FRMPD4: variants seen among roughly 807,000 people sequenced by gnomAD.
FRMPD4 encodes FERM and PDZ domain-containing protein 4.
A neutral mutation model predicts 94.1 loss-of-function variants in FRMPD4; 22 were observed. The observed-to-expected ratio is 0.23, with a 90% CI of 0.17 to 0.33. The LOEUF (loss-of-function observed/expected upper bound fraction) is 0.33, where lower values mean the gene tolerates loss of function less well. Ranked by LOEUF, FRMPD4 falls within the 10% of genes least tolerant of loss-of-function variation. The pLI, the probability that FRMPD4 is intolerant of heterozygous loss-of-function variation, is 1.00. For synonymous variants in FRMPD4, 631 were observed against 548.6 expected (o/e 1.15, Z -2.10); for missense variants, 1,111 against 1,339.9 (o/e 0.83, Z 2.67).
intron 3 of FRMPD4, among the ~76,000 whole-genome samples, chrX:12,072,492 A>G (rs181941606): frequency 3.0e-4 from 33 of 111,716 alleles, no homozygotes; most frequent in African/African-American, 1.0e-3. Flanking sequence ...TTTGTGCACT[A>G]TGTAATTAAT....
At chrX:12,299,167 A>G (rs983171147) in intron 1 of FRMPD4, among the ~76,000 whole-genome samples, 3 of 111,588 alleles carry the variant, frequency 2.7e-5, no homozygotes, top group African/African-American at 9.8e-5. Context: ...TCAAATTTGT[A>G]CTTTAGAAAT....
At chrX:12,634,043 G>T (rs1048892789) in intron 4 of FRMPD4, among the ~76,000 whole-genome samples, 8 of 112,105 alleles carry the variant, frequency 7.1e-5, no homozygotes, top group Admixed American at 6.6e-4. Context: ...TTCCAAATAA[G>T]ATTTCACTTT....
chrX:12,040,598 C>T (rs1422016978), intron 3 of FRMPD4, among the ~76,000 whole-genome samples: 1 of 78,315 alleles, frequency 1.3e-5, no homozygotes, highest in Non-Finnish European at 2.3e-5. Flanking sequence ...CTCGCTCTGT[C>T]ACCCAGGCTG....
chrX:12,186,362 G>C (rs1165446163), intron 1 of FRMPD4, among the ~76,000 whole-genome samples: 1 of 111,278 alleles, frequency 9.0e-6, no homozygotes, highest in African/African-American at 3.3e-5. Context: ...AATAAGTAAT[G>C]CTTAAATAAT....
At chrX:12,168,888 G>A (rs914759091) in intron 1 of FRMPD4, among the ~76,000 whole-genome samples, 26 of 111,799 alleles carry the variant, frequency 2.3e-4, no homozygotes, top group African/African-American at 8.5e-4. Context: ...GCCTCCCAGA[G>A]TGCTGGGATT....
chrX:11,954,401 A>G lies in FRMPD4; in HGVS notation c.95+76383A>G, dbSNP rs911378485. 2.7e-5 allele frequency among the ~76,000 whole-genome samples: 3 copies of G among 112,320 alleles called. No homozygotes were observed. In the East Asian group the frequency reaches 8.4e-4, roughly 31 times the overall value. The stretch of plus-strand genomic sequence containing the variant: ...GTACAATATGTCATGCTGGTGAACA[A>G]AGAAGTGCTGAGGAGTCATGAATTA... On this transcript the variant is annotated intron_variant, in intron 3 of 18. Transcript: ENST00000640291.
At chrX:12,350,957 C>T (rs779916570) in intron 1 of FRMPD4, among the ~76,000 whole-genome samples, 2 of 111,882 alleles carry the variant, frequency 1.8e-5, no homozygotes, top group East Asian at 2.8e-4. Flanking sequence ...GGGCAGATCA[C>T]GAGGTCAGGA....
At chrX:12,421,090 C>T (rs945065701) in intron 1 of FRMPD4, among the ~76,000 whole-genome samples, 28 of 111,930 alleles carry the variant, frequency 2.5e-4, no homozygotes, top group African/African-American at 9.1e-4. Flanking sequence ...GCATGAAAGA[C>T]TATCTGCGTC....
chrX:12,223,538 A>G (rs1371913812), intron 1 of FRMPD4, among the ~76,000 whole-genome samples: 1 of 111,415 alleles, frequency 9.0e-6, no homozygotes, highest in East Asian at 2.8e-4. Flanking sequence ...TGTACACCAA[A>G]CCCCTGCAAC....
At chrX:12,254,208 T>C (rs1268064692) in intron 1 of FRMPD4, among the ~76,000 whole-genome samples, 1 of 111,558 alleles carries the variant, frequency 9.0e-6, no homozygotes, top group Non-Finnish European at 1.9e-5. Context: ...ATTAATGACA[T>C]GTGAGGAGTT....
chrX:12,192,314 C>G (rs190015121), intron 1 of FRMPD4, among the ~76,000 whole-genome samples: 80 of 112,064 alleles, frequency 7.1e-4, no homozygotes, highest in African/African-American at 2.6e-3. Flanking sequence ...TATGGCACGG[C>G]CATCCTTGAT....
chrX:12,594,790 C>T (rs184556611), intron 2 of FRMPD4, among the ~76,000 whole-genome samples: 1 of 111,696 alleles, frequency 9.0e-6, no homozygotes, highest in East Asian at 2.8e-4. Flanking sequence ...GAATTGCCCT[C>T]ATGCTTTAGT....
At chrX:12,658,779 C>A (rs1407488519) in intron 4 of FRMPD4, among the ~76,000 whole-genome samples, 2 of 111,445 alleles carry the variant, frequency 1.8e-5, no homozygotes, top group Non-Finnish European at 3.8e-5. Flanking sequence ...TTTAGAGAGC[C>A]ATTAAAAAGT....
At chrX:11,850,267 G>C (rs1004678790) in intron 1 of FRMPD4, among the ~76,000 whole-genome samples, 2 of 112,106 alleles carry the variant, frequency 1.8e-5, no homozygotes, top group African/African-American at 6.5e-5. Flanking sequence ...TAAAAACAAA[G>C]AAACAAACAA....
At chrX:12,665,364 A>G in intron 4 of FRMPD4, among the ~76,000 whole-genome samples, 1 of 110,925 alleles carries the variant, frequency 9.0e-6, no homozygotes, top group Non-Finnish European at 1.9e-5. Context: ...GAATGGCATG[A>G]ACCTGGGAGG....
chrX:12,598,170 G>C (rs1316989464), intron 2 of FRMPD4, among the ~76,000 whole-genome samples: 4 of 111,377 alleles, frequency 3.6e-5, no homozygotes, highest in Non-Finnish European at 7.5e-5. Flanking sequence ...GCTGAAATGA[G>C]ATTTTTCACT....
chrX:12,657,247 T>A, intron 4 of FRMPD4, among the ~76,000 whole-genome samples: 1 of 111,869 alleles, frequency 8.9e-6, no homozygotes, highest in Non-Finnish European at 1.9e-5. Context: ...GGGGCTGTGG[T>A]CTCATCTGAG....
At chrX:12,133,260 T>TG (rs1273915820) in intron 3 of FRMPD4, among the ~76,000 whole-genome samples, 11 of 107,522 alleles carry the variant, frequency 1.0e-4, no homozygotes, top group African/African-American at 1.4e-4. Context: ...TTTTTAGAGA[T>TG]GGGGTCTCAC....
intron 3 of FRMPD4, among the ~76,000 whole-genome samples, chrX:11,886,226 T>C (rs1387534535): frequency 9.0e-6 from 1 of 111,717 alleles, no homozygotes; most frequent in South Asian, 3.8e-4. Context: ...TACCTATTCA[T>C]AATTTTCCCG....
Sources: gnomAD v4.1 joint callset for allele counts (sites outside exome capture counted in the v4.1 genomes callset) on GRCh38, gnomAD v4.1.1 for gene constraint, MANE v1.5 for transcripts, NCBI Gene and HGNC (gene_info 2026-07-23, HGNC 2026-07-21) for gene names.